The following MAN1A2 variants were observed in gnomAD, a reference collection of about 807,000 sequenced individuals.
The protein encoded by MAN1A2 is mannosidase alpha class 1A member 2, also known as mannosyl-oligosaccharide 1,2-alpha-mannosidase IB.
A neutral mutation model predicts 75.7 loss-of-function variants in MAN1A2; 26 were observed. That is an observed-to-expected ratio of 0.34 (90% confidence interval 0.25 to 0.48). The LOEUF is 0.48. MAN1A2 is among the 20% of genes least tolerant of loss of function. The probability of loss-of-function intolerance (pLI) is 0.99; values close to 1 mark genes in which losing one functional copy is unlikely to be tolerated. For missense variants in MAN1A2, 562 were observed against 775.5 expected (o/e 0.72, Z 3.27); for synonymous variants, 247 against 264.6 (o/e 0.93, Z 0.65).
chr1:117,519,835 C>T (rs1211957269), intron 12 of MAN1A2, among the ~76,000 whole-genome samples: 1 of 152,012 alleles, frequency 6.6e-6, no homozygotes, highest in African/African-American at 2.4e-5. Flanking sequence ...TCTATGAAGC[C>T]AGCATCGCCC....
At chr1:117,369,216 T>G (rs11589313) in intron 1 of MAN1A2, among the ~76,000 whole-genome samples, 11,596 of 152,230 alleles carry the variant, frequency 0.076, 488 homozygotes, top group Middle Eastern at 0.15. Context: ...CTATTGGAAT[T>G]TGGTTGATTA....
rs117464338 is a variant in MAN1A2, at chr1:117,380,060, C to T, written c.302+11575C>T. 2.2e-3 allele frequency among the ~76,000 whole-genome samples: 335 copies of T among 152,114 alleles called. 8 individuals carry two copies. In the East Asian group the frequency reaches 0.042, roughly 19 times the overall value. On this transcript the variant is annotated intron_variant, in intron 1 of 12. Transcript: ENST00000356554. ...TTCTATGCTTAGCTTTTTGAGGAAC[C>T]ACCAGACATTTCTGTAGCAGCTGAA...
intron 11 of MAN1A2, among the ~76,000 whole-genome samples, chr1:117,500,410 G>A (rs1249381575): frequency 6.6e-6 from 1 of 151,810 alleles, no homozygotes; most frequent in African/African-American, 2.4e-5. Context: ...AAAGCTCCTT[G>A]ACTTTTGAGA....
At chr1:117,493,910 C>G (rs979995575) in intron 9 of MAN1A2, 1 of 150,568 alleles carries the variant, frequency 6.6e-6, no homozygotes, top group Admixed American at 6.6e-5. Context: ...AAACATTTTT[C>G]TTTCAAATGA....
chr1:117,384,658 A>G (rs1005122508), intron 1 of MAN1A2, among the ~76,000 whole-genome samples: 7 of 152,082 alleles, frequency 4.6e-5, no homozygotes, highest in Admixed American at 2.0e-4. Flanking sequence ...ATTATTGAAA[A>G]TGGGGGTATT....
intron 8 of MAN1A2, among the ~76,000 whole-genome samples, chr1:117,492,106 T>C (rs1485173678): frequency 6.6e-6 from 1 of 152,112 alleles, no homozygotes; most frequent in African/African-American, 2.4e-5. Flanking sequence ...TGTCAGGATA[T>C]GAGAGTGGCC....
At chr1:117,394,352 G>A (rs1418588074) in intron 1 of MAN1A2, among the ~76,000 whole-genome samples, 2 of 152,114 alleles carry the variant, frequency 1.3e-5, no homozygotes, top group African/African-American at 4.8e-5. Context: ...AAAGTGCTGG[G>A]ATTACAGGGG....
chr1:117,397,178 T>A (rs1251753870), intron 1 of MAN1A2, among the ~76,000 whole-genome samples: 1 of 152,148 alleles, frequency 6.6e-6, no homozygotes, highest in African/African-American at 2.4e-5. Flanking sequence ...TCTGAAATAG[T>A]TTACTCACTA....
intron 9 of MAN1A2, 121 bp from the exon 10 acceptor site, chr1:117,496,642 G>A: frequency 1.5e-6 from 1 of 678,412 alleles, no homozygotes; most frequent in East Asian, 2.7e-5. Context: ...TCTCAGTTTG[G>A]GAAAGTTACT....
chr1:117,517,387 T>C (rs964937013), intron 12 of MAN1A2, among the ~76,000 whole-genome samples: 2 of 151,686 alleles, frequency 1.3e-5, no homozygotes, highest in South Asian at 2.1e-4. Flanking sequence ...ACAATGACAG[T>C]TAAAATATTT....
At position 117,380,435 on chromosome 1, in the gene MAN1A2, TCCAGAGTCATGAAGATTTACC is replaced by T. The variant is rs796702243; in HGVS notation, c.302+11955_302+11975del. Reference sequence around the variant, plus strand: ...TCATATCCAAGAATCAATTGCCAAATCCAGAGTCATGAAGATTTACCCCAGTTTTTTCCATAAGATTTTTTA... The same window carrying T: ...TCATATCCAAGAATCAATTGCCAAATCCAGTTTTTTCCATAAGATTTTTTA... On this transcript the variant is annotated intron_variant, in intron 1 of 12. Transcript: ENST00000356554. 9.8e-5 allele frequency among the ~76,000 whole-genome samples: 15 copies of T among 152,312 alleles called. 1 individual carries two copies. Among genetic ancestry groups the T allele is most frequent in the African/African-American group, 3.6e-4 (15 of 41,588 alleles).
At chr1:117,386,842 A>G (rs1181606180) in intron 1 of MAN1A2, among the ~76,000 whole-genome samples, 1 of 145,920 alleles carries the variant, frequency 6.9e-6, no homozygotes, top group Non-Finnish European at 1.5e-5. Context: ...TCATTGAAGC[A>G]GGAGGCTGTA....
chr1:117,385,232 T>C (rs1653485423), intron 1 of MAN1A2, among the ~76,000 whole-genome samples: 1 of 152,180 alleles, frequency 6.6e-6, no homozygotes, highest in Non-Finnish European at 1.5e-5. Flanking sequence ...CCCAGGTAGA[T>C]GAGCAGGAGG....
rs1476684963 is a variant in MAN1A2, at chr1:117,367,474, G to GGCGGCC, written c.-704_-699dup. Reference sequence around the variant, plus strand: ...AGACCCGTGCGGTAGCAACAGCGGCGGCGGCCGCGGCGGCTGGCCGGACTC... The same window carrying GGCGGCC: ...AGACCCGTGCGGTAGCAACAGCGGCGGCGGCCGCGGCCGCGGCGGCTGGCCGGACTC... On this transcript the variant is annotated 5_prime_UTR_variant, in exon 1 of 13. Coordinates refer to ENST00000356554, the MANE Select transcript of MAN1A2 (RefSeq NM_006699.5). 6.5e-6 allele frequency: 1 copy of GGCGGCC among 153,380 alleles called. No individual in the cohort carries two copies. The highest frequency in any genetic ancestry group is 1.5e-5 in the Non-Finnish European group (1 of 68,740). 9.5% of individuals were successfully genotyped at this position (153,380 alleles called of 1,614,324 possible).
At chr1:117,374,545 T>A (rs944283310) in intron 1 of MAN1A2, among the ~76,000 whole-genome samples, 1 of 152,198 alleles carries the variant, frequency 6.6e-6, no homozygotes, top group African/African-American at 2.4e-5. Flanking sequence ...GGGCATTCTT[T>A]CCAATGATCT....
intron 1 of MAN1A2, among the ~76,000 whole-genome samples, chr1:117,381,556 G>A (rs1342839130): frequency 6.6e-6 from 1 of 152,068 alleles, no homozygotes; most frequent in African/African-American, 2.4e-5. Context: ...TGGTGTATAT[G>A]TGCCACATTT....
At chr1:117,489,132 A>G (rs950916279) in intron 8 of MAN1A2, among the ~76,000 whole-genome samples, 3 of 152,066 alleles carry the variant, frequency 2.0e-5, no homozygotes, top group Non-Finnish European at 4.4e-5. Context: ...GTACGTTTAT[A>G]TCGTAACTTA....
rs547860713 is a variant in MAN1A2 at position 117,504,400 on chromosome 1, C to T, written c.1793+1430C>T. ...TTTTCACCTAGTTTTGCCACATTTCCTTCTCTTTCTTTCTGTGTACACTCA... is the reference window on the plus strand; with the variant it reads ...TTTTCACCTAGTTTTGCCACATTTCTTTCTCTTTCTTTCTGTGTACACTCA... On this transcript the variant is annotated intron_variant, in intron 12 of 12. Transcript: ENST00000356554. Among the ~76,000 whole-genome samples, 4 of 149,884 alleles carry T rather than the reference C, an allele frequency of 2.7e-5. No homozygotes were observed. In the South Asian group the frequency reaches 8.4e-4, roughly 31 times the overall value.
chr1:117,432,283 T>A (rs1400467888), intron 5 of MAN1A2, among the ~76,000 whole-genome samples: 1 of 151,986 alleles, frequency 6.6e-6, no homozygotes. Context: ...TTATAAGCAG[T>A]TTTTTTGCAA....
Sources: gnomAD v4.1 joint callset for allele counts (sites outside exome capture counted in the v4.1 genomes callset) on GRCh38, gnomAD v4.1.1 for gene constraint, MANE v1.5 for transcripts, NCBI Gene and HGNC (gene_info 2026-07-23, HGNC 2026-07-21) for gene names.